PRKG1: variants seen among roughly 807,000 people sequenced by gnomAD.
PRKG1 encodes the protein protein kinase cGMP-dependent 1.
PRKG1 carries 35 observed loss-of-function variants against 88.1 expected under a neutral mutation model. That is an observed-to-expected ratio of 0.40 (90% CI 0.30 to 0.53). PRKG1 has a LOEUF of 0.53. Ranked by LOEUF, PRKG1 falls within the 20% of genes least tolerant of loss-of-function variation. The probability of loss-of-function intolerance (pLI) is 0.59; values close to 1 mark genes in which losing one functional copy is unlikely to be tolerated. For synonymous variants in PRKG1, 303 were observed against 292.5 expected (o/e 1.04, Z -0.37); for missense variants, 540 against 839.8 (o/e 0.64, Z 4.41).
intron 3 of PRKG1, among the ~76,000 whole-genome samples, chr10:51,476,558 G>C (rs572092118): frequency 2.0e-5 from 3 of 152,002 alleles, no homozygotes; most frequent in African/African-American, 7.2e-5. Context: ...CCTTCTGAGT[G>C]GGATCAAACA....
chr10:51,307,230 A>G (rs1841062193), intron 2 of PRKG1, among the ~76,000 whole-genome samples: 1 of 152,162 alleles, frequency 6.6e-6, no homozygotes, highest in Non-Finnish European at 1.5e-5. Flanking sequence ...CCTGTTTTCC[A>G]GGTAAAATGA....
At chr10:51,173,679 C>T (rs1251453181) in intron 2 of PRKG1, among the ~76,000 whole-genome samples, 1 of 151,842 alleles carries the variant, frequency 6.6e-6, no homozygotes, top group African/African-American at 2.4e-5. Flanking sequence ...TTTTATCATG[C>T]ATGACAAGTG....
chr10:51,693,735 C>T (rs1030500990), intron 3 of PRKG1, among the ~76,000 whole-genome samples: 11 of 152,026 alleles, frequency 7.2e-5, no homozygotes. Flanking sequence ...TTCATGCCCT[C>T]AAATGACATG....
intron 2 of PRKG1, among the ~76,000 whole-genome samples, chr10:51,266,744 T>C (rs1839845934): frequency 6.6e-6 from 1 of 152,212 alleles, no homozygotes; most frequent in Non-Finnish European, 1.5e-5. Context: ...GAAAAATTGA[T>C]AGACACACAA....
chr10:51,982,710 AC>A (rs77135317), intron 5 of PRKG1, among the ~76,000 whole-genome samples: 16,976 of 152,196 alleles, frequency 0.11, 1,081 homozygotes, highest in South Asian at 0.25. Flanking sequence ...CTCCTGGACC[AC>A]TGTTCACTAT....
chr10:51,895,975 T>C (rs1429130456), intron 4 of PRKG1, among the ~76,000 whole-genome samples: 1 of 152,052 alleles, frequency 6.6e-6, no homozygotes, highest in Non-Finnish European at 1.5e-5. Context: ...AAGGGCCCCT[T>C]GTGACATTGA....
At chr10:51,278,267 C>T (rs996778257) in intron 2 of PRKG1, among the ~76,000 whole-genome samples, 3 of 152,074 alleles carry the variant, frequency 2.0e-5, no homozygotes, top group Admixed American at 1.3e-4. Context: ...TATCGATTTT[C>T]GTATGTTGAA....
intron 9 of PRKG1, among the ~76,000 whole-genome samples, chr10:52,177,836 T>G (rs531371638): frequency 6.6e-6 from 1 of 152,160 alleles, no homozygotes; most frequent in South Asian, 2.1e-4. Flanking sequence ...TGGTCTCTAT[T>G]GTGATGTCTC....
chr10:51,811,745 T>C (rs1213415109), intron 4 of PRKG1, among the ~76,000 whole-genome samples: 1 of 152,200 alleles, frequency 6.6e-6, no homozygotes. Flanking sequence ...CTATAGGATA[T>C]TCTGTGAAGA....
intron 1 of PRKG1, among the ~76,000 whole-genome samples, chr10:51,140,322 G>A (rs1845790714): frequency 6.6e-6 from 1 of 152,158 alleles, no homozygotes; most frequent in African/African-American, 2.4e-5. Flanking sequence ...CACAGATACT[G>A]TTTATTTCAC....
At chr10:51,249,160 T>A (rs1392789226) in intron 2 of PRKG1, among the ~76,000 whole-genome samples, 1 of 151,882 alleles carries the variant, frequency 6.6e-6, no homozygotes, top group Non-Finnish European at 1.5e-5. Flanking sequence ...CGTTTTAAAA[T>A]CATTCTCTAC....
At chr10:51,156,408 C>T (rs1047217725) in intron 2 of PRKG1, among the ~76,000 whole-genome samples, 16 of 151,626 alleles carry the variant, frequency 1.1e-4, no homozygotes, top group African/African-American at 3.9e-4. Context: ...TTCCCCATTG[C>T]TTCACGATAA....
intron 5 of PRKG1, among the ~76,000 whole-genome samples, chr10:51,933,225 A>C (rs1842732172): frequency 6.6e-6 from 1 of 152,198 alleles, no homozygotes; most frequent in Admixed American, 6.5e-5. Context: ...CTGTGCAGGA[A>C]TAGAAGGGCT....
At chr10:52,055,920 A>G (rs1400689236) in intron 6 of PRKG1, among the ~76,000 whole-genome samples, 2 of 152,214 alleles carry the variant, frequency 1.3e-5, no homozygotes, top group Non-Finnish European at 2.9e-5. Context: ...ATCACAATTT[A>G]GGTAATTCTC....
chr10:52,217,573 A>C (rs770300064), intron 9 of PRKG1, among the ~76,000 whole-genome samples: 6 of 152,192 alleles, frequency 3.9e-5, no homozygotes, highest in Non-Finnish European at 7.4e-5. Context: ...GGAATAATAG[A>C]AACTACAAGC....
intron 2 of PRKG1, among the ~76,000 whole-genome samples, chr10:51,336,147 G>A (rs1841870291): frequency 6.6e-6 from 1 of 152,078 alleles, no homozygotes; most frequent in Non-Finnish European, 1.5e-5. Context: ...GAACTCAGGA[G>A]TTTGAGACCA....
intron 5 of PRKG1, among the ~76,000 whole-genome samples, chr10:52,024,140 T>C (rs4309108): frequency 1 from 151,467 of 152,190 alleles, 75,376 homozygotes; most frequent in Middle Eastern, 1. Context: ...TAAGAGAGGA[T>C]ACAAACAAAT....
At chr10:51,533,131 C>T (rs1344556504) in intron 3 of PRKG1, among the ~76,000 whole-genome samples, 1 of 152,140 alleles carries the variant, frequency 6.6e-6, no homozygotes, top group Admixed American at 6.5e-5. Flanking sequence ...TTGAGTTAGC[C>T]TCAGTGGATT....
At chr10:51,646,611 G>A (rs1839920210) in intron 3 of PRKG1, among the ~76,000 whole-genome samples, 1 of 152,068 alleles carries the variant, frequency 6.6e-6, no homozygotes, top group Admixed American at 6.6e-5. Flanking sequence ...ATTAAGAAGA[G>A]CTTACCTCTG....
Sources: allele counts gnomAD v4.1 joint callset (sites outside exome capture counted in the v4.1 genomes callset), GRCh38; gene constraint gnomAD v4.1.1; transcripts MANE v1.5; gene names NCBI Gene and HGNC (gene_info 2026-07-23, HGNC 2026-07-21).